The following EDA2R variants were observed in gnomAD, a reference collection of about 807,000 sequenced individuals.
EDA2R encodes the protein ectodysplasin A2 receptor.
A neutral mutation model predicts 20.1 loss-of-function variants in EDA2R; 26 were observed. That is an observed-to-expected ratio of 1.30 (90% CI 0.95 to 1.80). The LOEUF (loss-of-function observed/expected upper bound fraction) is 1.80. Among genes scored for constraint, EDA2R ranks in the 40% most tolerant of loss-of-function variants. The pLI is 0.00. For missense variants in EDA2R, 277 were observed against 228.7 expected (o/e 1.21, Z -1.36); for synonymous variants, 114 against 88.7 (o/e 1.29, Z -1.60).
chrX:66,611,759 A>G lies in EDA2R; in HGVS notation c.87+4175T>C, dbSNP rs181083285. Among the ~76,000 whole-genome samples, 5 of 111,835 alleles carry G rather than the reference A, an allele frequency of 4.5e-5. No homozygotes were observed. In the East Asian group the frequency reaches 8.3e-4, roughly 19 times the overall value. On this transcript the variant is annotated intron_variant, in intron 2 of 6. Transcript: ENST00000374719. The stretch of plus-strand genomic sequence containing the variant: ...TGAAAAGAAAATTTTTTAAATGTTT[A>G]TCTAAAAATATTTTCAAACAAATTG...
chrX:66,605,347 A>G, intron 2 of EDA2R, 121 bp from the exon 3 acceptor site: 8 of 537,841 alleles, frequency 1.5e-5, no homozygotes, highest in Non-Finnish European at 2.2e-5. Context: ...ACTAAGTCAT[A>G]AAACCAATTC....
At chrX:66,632,252 T>A (rs926828965) in intron 1 of EDA2R, among the ~76,000 whole-genome samples, 18 of 111,216 alleles carry the variant, frequency 1.6e-4, no homozygotes, top group African/African-American at 5.9e-4. Context: ...GGCGAAAAAC[T>A]GTATCTACTA....
chrX:66,600,227 G>A (rs374047382), intron 5 of EDA2R: 2 of 485,910 alleles, frequency 4.1e-6, no homozygotes, highest in South Asian at 3.6e-5. Context: ...TGGAATTAAA[G>A]TTATGGATTT....
At chrX:66,602,909 A>G (rs1928911178) in intron 4 of EDA2R, 112 bp from the exon 5 acceptor site, 7 of 692,054 alleles carry the variant, frequency 1.0e-5, no homozygotes, top group Non-Finnish European at 1.2e-5. Context: ...GCCTTCCCCA[A>G]TTAGGGTGGC....
At chrX:66,630,956 TATAC>T (rs1191961201) in intron 1 of EDA2R, among the ~76,000 whole-genome samples, 2 of 110,002 alleles carry the variant, frequency 1.8e-5, no homozygotes, top group Non-Finnish European at 3.8e-5. Flanking sequence ...CGTATGTGTG[TATAC>T]ATACATATAT....
chrX:66,605,756 A>G (rs1216183682), intron 2 of EDA2R, among the ~76,000 whole-genome samples: 1 of 112,429 alleles, frequency 8.9e-6, no homozygotes, highest in Non-Finnish European at 1.9e-5. Flanking sequence ...AATAACTACA[A>G]CAGGTACAAG....
intron 1 of EDA2R, among the ~76,000 whole-genome samples, chrX:66,628,726 G>C (rs1373487411): frequency 9.2e-6 from 1 of 108,408 alleles, no homozygotes; most frequent in Admixed American, 9.8e-5. Context: ...AAAAATCCAG[G>C]ATCAGATGGA....
chrX:66,600,590 G>A (rs1928404215), intron 5 of EDA2R, among the ~76,000 whole-genome samples: 1 of 111,923 alleles, frequency 8.9e-6, no homozygotes, highest in Non-Finnish European at 1.9e-5. Flanking sequence ...GGCATTGTGA[G>A]ACTCTAAGCA....
intron 1 of EDA2R, among the ~76,000 whole-genome samples, chrX:66,618,816 GCT>G (rs1932140944): frequency 8.9e-6 from 1 of 112,228 alleles, no homozygotes; most frequent in African/African-American, 3.2e-5. Flanking sequence ...AAAGAGCAAA[GCT>G]CTTAGTTAGG....
chrX:66,618,290 A>T (rs1469384112), intron 1 of EDA2R, among the ~76,000 whole-genome samples: 1 of 112,052 alleles, frequency 8.9e-6, no homozygotes, highest in African/African-American at 3.2e-5. Flanking sequence ...AAAATTATAG[A>T]TTCTGGACTC....
chrX:66,629,062 C>T (rs1933439721), intron 1 of EDA2R, among the ~76,000 whole-genome samples: 1 of 111,573 alleles, frequency 9.0e-6, no homozygotes, highest in African/African-American at 3.3e-5. Context: ...ATGTGATATA[C>T]CCCATAAACA....
chrX:66,634,905 G>T (rs544036596), intron 1 of EDA2R, among the ~76,000 whole-genome samples: 1 of 111,990 alleles, frequency 8.9e-6, no homozygotes, highest in South Asian at 3.8e-4. Flanking sequence ...TCATGGAGAG[G>T]TGGATCGTAG....
chrX:66,625,625 G>A (rs1344162127), intron 1 of EDA2R, among the ~76,000 whole-genome samples: 1 of 111,407 alleles, frequency 9.0e-6, no homozygotes, highest in Admixed American at 9.5e-5. Context: ...GGAGTTCTAG[G>A]GCCCCGTGTA....
chrX:66,604,733 A>G (rs990893784), intron 3 of EDA2R, among the ~76,000 whole-genome samples: 1 of 111,375 alleles, frequency 9.0e-6, no homozygotes, highest in Non-Finnish European at 1.9e-5. Context: ...CTAATTCCAC[A>G]AGAGAGGGGT....
At chrX:66,631,052 T>C (rs1315446274) in intron 1 of EDA2R, among the ~76,000 whole-genome samples, 2 of 109,795 alleles carry the variant, frequency 1.8e-5, no homozygotes, top group Admixed American at 9.7e-5. Context: ...TATGTATATA[T>C]ACACATATAT....
intron 1 of EDA2R, among the ~76,000 whole-genome samples, chrX:66,628,873 G>A (rs1474535784): frequency 1.8e-5 from 2 of 110,791 alleles, no homozygotes; most frequent in Non-Finnish European, 3.8e-5. Context: ...CCTAAACCAG[G>A]AAAGGACATA....
At chrX:66,604,004 A>C (rs971141325) in intron 4 of EDA2R, among the ~76,000 whole-genome samples, 6 of 112,139 alleles carry the variant, frequency 5.4e-5, no homozygotes, top group Non-Finnish European at 9.4e-5. Context: ...ATAGTGGTAT[A>C]GGCATAGATT....
intron 2 of EDA2R, among the ~76,000 whole-genome samples, chrX:66,611,614 G>A (rs1208849614): frequency 9.1e-6 from 1 of 110,222 alleles, no homozygotes; most frequent in Non-Finnish European, 1.9e-5. Context: ...CTTGAGGACA[G>A]AACAACAGAA....
chrX:66,596,777 A>G lies in EDA2R; in HGVS notation c.*1327T>C, dbSNP rs2042234230. 8.9e-6 allele frequency: 1 copy of G among 111,937 alleles called. No homozygotes were observed. The highest frequency in any genetic ancestry group is 9.4e-5 in the Admixed American group (1 of 10,620). The allele number at this position is 111,937 out of a possible 1,213,427, so 9.2% of individuals were successfully genotyped here. On this transcript the variant is annotated 3_prime_UTR_variant, in exon 7 of 7. Transcript: ENST00000374719. ...AAAACAAAAACAAAAAAAAAACAGGAAACCTAAAGGCCAAGGCCTAAAACC... is the reference window on the plus strand; with the variant it reads ...AAAACAAAAACAAAAAAAAAACAGGGAACCTAAAGGCCAAGGCCTAAAACC...
Sources: gnomAD v4.1 joint callset for allele counts (sites outside exome capture counted in the v4.1 genomes callset) on GRCh38, gnomAD v4.1.1 for gene constraint, MANE v1.5 for transcripts, NCBI Gene and HGNC (gene_info 2026-07-23, HGNC 2026-07-21) for gene names.